The following DMAP1 variants were observed in gnomAD, a reference collection of about 807,000 sequenced individuals.
DMAP1 encodes DNA methyltransferase 1 associated protein 1, also known as DNA methyltransferase 1-associated protein 1.
In DMAP1, 26 loss-of-function variants were observed where a neutral mutation model predicts 52.7. That is an observed-to-expected ratio of 0.49 (90% CI 0.36 to 0.68). The LOEUF (loss-of-function observed/expected upper bound fraction) is 0.68, where lower values mean the gene tolerates loss of function less well. Among genes scored for constraint, DMAP1 ranks in the 30% least tolerant of loss-of-function variants. The pLI is 0.00. For missense variants in DMAP1, 439 were observed against 625.2 expected (o/e 0.70, Z 3.18); for synonymous variants, 231 against 246.0 (o/e 0.94, Z 0.57).
chr1:44,214,345 C>T lies in DMAP1; in HGVS notation c.106-5C>T. The T allele has an allele frequency of 6.2e-7, 1 of 1,613,686 alleles. No individual in the cohort carries two copies. Among genetic ancestry groups the T allele is most frequent in the South Asian group, 1.1e-5 (1 of 91,042 alleles). On this transcript the variant is annotated splice_polypyrimidine_tract_variant and splice_region_variant and intron_variant, in intron 1 of 9. Coordinates refer to ENST00000372289, the MANE Select transcript of DMAP1 (RefSeq NM_019100.5). ...GTGGTTCCTTTCTGTGGTTTCCTTCCTCAGAAAAAATCCAAGAAGTCCTCT... is the reference window on the plus strand; with the variant it reads ...GTGGTTCCTTTCTGTGGTTTCCTTCTTCAGAAAAAATCCAAGAAGTCCTCT...
In DMAP1 at chr1:44,220,564, G is replaced by A; in HGVS notation, c.1350G>A (p.Lys450=). 6.2e-7 allele frequency: 1 copy of A among 1,614,242 alleles called. No individual in the cohort carries two copies. Among genetic ancestry groups the A allele is most frequent in the Non-Finnish European group, 8.5e-7 (1 of 1,180,036 alleles). Reference sequence around the variant, plus strand: ...TGCCTTCTGTGTATCCTCAGAGAAAGCGACGGGAGTCGGCCTCCAGCTCAT... The same window carrying A: ...TGCCTTCTGTGTATCCTCAGAGAAAACGACGGGAGTCGGCCTCCAGCTCAT... ...VGAPLTPNSR[K]RRESASSSSS... The change falls in exon 10 of 10, where the codon AAG becomes AAA. Residue 450 remains lysine (K), a synonymous_variant. Coordinates refer to ENST00000372289, the MANE Select transcript of DMAP1 (RefSeq NM_019100.5).
intron 3 of DMAP1, chr1:44,217,375 T>C (rs1643815791): frequency 1.3e-5 from 2 of 152,290 alleles, no homozygotes. Context: ...GATCCAGGCA[T>C]GTGACAGTGG....
rs545975883 is a variant in DMAP1 at position 44,215,280 on chromosome 1, A to AAT, written c.393+385_393+386dup. The AAT allele has an allele frequency of 2.5e-3, 1,139 of 462,376 alleles. 34 individuals are homozygous for AAT. In the Admixed American group the frequency reaches 0.026, roughly 10 times the overall value. The allele number at this position is 462,376 out of a possible 1,614,324, so 28.6% of individuals were successfully genotyped here. A position where few individuals can be genotyped will look rare whatever the true frequency, so the allele number is the denominator to read the frequency against. On this transcript the variant is annotated intron_variant, in intron 3 of 9. Coordinates refer to ENST00000372289, the MANE Select transcript of DMAP1 (RefSeq NM_019100.5). Reference sequence around the variant, plus strand: ...CTTCCTTCGCATCCAGTCATTTACTAATATCTCTTTCTCAATGCCCCACAG... The same window carrying AAT: ...CTTCCTTCGCATCCAGTCATTTACTAATATATCTCTTTCTCAATGCCCCACAG...
intron 1 of DMAP1, among the ~76,000 whole-genome samples, 186 bp from the exon 2 acceptor site, chr1:44,214,164 G>C (rs1209629639): frequency 6.6e-6 from 1 of 152,170 alleles, no homozygotes; most frequent in African/African-American, 2.4e-5. Context: ...GGTGGGATGG[G>C]GAGGGGACTG....
Position 44,218,178 on chromosome 1 carries a change from C to G in DMAP1, c.394-133C>G, listed in dbSNP as rs750430826. 7.4e-6 allele frequency: 9 copies of G among 1,219,260 alleles called. 1 individual carries two copies. The East Asian group carries it at 1.9e-4, about 25-fold the overall frequency. The allele number at this position is 1,219,260 out of a possible 1,614,324, so 75.5% of individuals were successfully genotyped here. On this transcript the variant is annotated intron_variant, in intron 3 of 9. Transcript: ENST00000372289. The surrounding 1 kb of genome is among the most constrained non-coding windows in gnomAD (Gnocchi z 5.6). The stretch of plus-strand genomic sequence containing the variant: ...TCTAGTCAAGCAGACAAGTTCTTTC[C>G]TCACTCCATGCTGCAGGGGCACAGG...
At position 44,213,550 on chromosome 1, in the gene DMAP1, G is replaced by C; in HGVS notation, c.-204G>C. 5.7e-6 allele frequency: 3 copies of C among 523,694 alleles called. No homozygotes were observed. Among genetic ancestry groups the C allele is most frequent in the Non-Finnish European group, 1.0e-5 (3 of 292,244 alleles). The allele number at this position is 523,694 out of a possible 1,614,324, so 32.4% of individuals were successfully genotyped here. On this transcript the variant is annotated 5_prime_UTR_variant, in exon 1 of 10. Coordinates refer to ENST00000372289, the MANE Select transcript of DMAP1 (RefSeq NM_019100.5). The surrounding 1 kb of genome is among the most constrained non-coding windows in gnomAD (Gnocchi z 4.5). ...CAGGTGCGGAAGTGCGAGGGCCCAG[G>C]TGGCTGAAGGGGCCGTTAGGAACAT...
Position 44,218,121 on chromosome 1 carries a change from G to A in DMAP1, c.394-190G>A. On this transcript the variant is annotated intron_variant, in intron 3 of 9. Transcript: ENST00000372289. The surrounding 1 kb of genome is among the most constrained non-coding windows in gnomAD (Gnocchi z 5.6). ...GAAGTTGATCCTGGAATAAATCAGA[G>A]GCAGGCTACAGTCCCAAACCCTGCT... 1.4e-6 allele frequency: 1 copy of A among 714,758 alleles called. No homozygotes were observed. The highest frequency in any genetic ancestry group is 2.5e-6 in the Non-Finnish European group (1 of 404,230). 44.3% of individuals were successfully genotyped at this position (714,758 alleles called of 1,614,324 possible). A position where few individuals can be genotyped will look rare whatever the true frequency, so the allele number is the denominator to read the frequency against.
At chr1:44,217,031 C>T (rs1209717891) in intron 3 of DMAP1, 1 of 152,146 alleles carries the variant, frequency 6.6e-6, no homozygotes, top group Admixed American at 6.5e-5. Flanking sequence ...CAGTGTGTCT[C>T]AAATCATCTG....
At chr1:44,216,919 G>C (rs1643805445) in intron 3 of DMAP1, 1 of 152,220 alleles carries the variant, frequency 6.6e-6, no homozygotes, top group Non-Finnish European at 1.5e-5. Context: ...AGGAGTTTGT[G>C]AATTATCTAG....
chr1:44,217,221 AC>A (rs1643812723), intron 3 of DMAP1: 3 of 152,254 alleles, frequency 2.0e-5, no homozygotes, highest in South Asian at 4.1e-4. Context: ...CTCATCATAG[AC>A]CAGGGGTAAG....
At chr1:44,219,693 T>C in intron 7 of DMAP1, 113 bp from the exon 8 acceptor site, 1 of 1,353,786 alleles carries the variant, frequency 7.4e-7, no homozygotes, top group Non-Finnish European at 1.0e-6. Flanking sequence ...GGCCCATAGT[T>C]AACCTCCATG....
chr1:44,219,317 T>C (rs1643860164), intron 6 of DMAP1, 76 bp downstream of exon 6: 1 of 1,568,136 alleles, frequency 6.4e-7, no homozygotes, highest in Non-Finnish European at 8.6e-7. Context: ...TGGAGGGTTC[T>C]GAGAGTACCC....
Position 44,215,144 on chromosome 1 carries a change from T to C in DMAP1, c.393+246T>C, listed in dbSNP as rs1283169812. 7 of 641,332 alleles carry C rather than the reference T, an allele frequency of 1.1e-5. No homozygotes were observed. In the East Asian group the frequency reaches 2.2e-4, roughly 20 times the overall value. 39.7% of individuals were successfully genotyped at this position (641,332 alleles called of 1,614,324 possible). On this transcript the variant is annotated intron_variant, in intron 3 of 9. Coordinates refer to ENST00000372289, the MANE Select transcript of DMAP1 (RefSeq NM_019100.5). ...CTTTTCTTGGTCTTTCAAATGTTGC[T>C]GTTCCTCAGAGCTGTATCCTAGGTG...
chr1:44,214,995 C>A, intron 3 of DMAP1, 97 bp downstream of exon 3: 2 of 1,377,834 alleles, frequency 1.5e-6, no homozygotes, highest in Non-Finnish European at 2.0e-6. Context: ...TCTGGGGGCA[C>A]GCTTATGCCC....
rs1643850651 is a variant in DMAP1 at position 44,218,999 on chromosome 1, TG to T, written c.721-56del. 10 of 1,596,344 alleles carry T rather than the reference TG, an allele frequency of 6.3e-6. No homozygotes were observed. The highest frequency in any genetic ancestry group is 8.6e-6 in the Non-Finnish European group (10 of 1,169,348). On this transcript the variant is annotated intron_variant, in intron 5 of 9. Coordinates refer to ENST00000372289, the MANE Select transcript of DMAP1 (RefSeq NM_019100.5). This position sits in a 1 kb window ranked among gnomAD's most constrained non-coding sequence, Gnocchi z 5.6. ...ACAGCCCAGCACCCTGTCACCTCCGTGTCTACCCTCACTCCTAGAAGTGCCC... is the reference window on the plus strand; with the variant it reads ...ACAGCCCAGCACCCTGTCACCTCCGTTCTACCCTCACTCCTAGAAGTGCCC...
chr1:44,218,667 C>G lies in DMAP1; in HGVS notation c.632C>G (p.Thr211Arg). ...KLANVRAVPG[T>R]DLKIPVFDAG... ...GCCAACGTGCGGGCTGTGCCAGGCA[C>G]AGACCTTAAGATACCAGTATTTGAT... The change falls in exon 5 of 10, where the codon ACA becomes AGA. Residue 211 changes from threonine (T) to arginine (R), a missense_variant. By Grantham distance (71) the Thr-to-Arg change is moderately conservative. Transcript: ENST00000372289. The surrounding 1 kb of genome is among the most constrained non-coding windows in gnomAD (Gnocchi z 5.6). The G allele has an allele frequency of 6.2e-7, 1 of 1,614,074 alleles. No homozygotes were observed. Among genetic ancestry groups the G allele is most frequent in the Non-Finnish European group, 8.5e-7 (1 of 1,179,934 alleles).
intron 1 of DMAP1, 39 bp from the exon 2 acceptor site, chr1:44,214,311 G>T: frequency 1.3e-6 from 2 of 1,586,354 alleles, no homozygotes; most frequent in South Asian, 1.1e-5. Flanking sequence ...TCAGGAAAGG[G>T]TCTAGGTTGT....
Position 44,220,453 on chromosome 1 carries a change from G to A in DMAP1, c.1345-106G>A, listed in dbSNP as rs548036922. On this transcript the variant is annotated intron_variant, in intron 9 of 9. Coordinates refer to ENST00000372289, the MANE Select transcript of DMAP1 (RefSeq NM_019100.5). ...GAGTCTGAGACTGAGGGTAGGAGTGGGTTGACCAGTGGGCGTCCTTGTCCC... is the reference window on the plus strand; with the variant it reads ...GAGTCTGAGACTGAGGGTAGGAGTGAGTTGACCAGTGGGCGTCCTTGTCCC... 1.9e-6 allele frequency: 3 copies of A among 1,598,798 alleles called. No individual in the cohort carries two copies. The East Asian group carries it at 6.8e-5, about 36-fold the overall frequency.
chr1:44,220,347 C>T (rs1643879020), intron 9 of DMAP1, 38 bp downstream of exon 9: 2 of 1,524,582 alleles, frequency 1.3e-6, no homozygotes. Context: ...CGCCTGGGCC[C>T]TGCGAGTGAG....
Sources: allele counts gnomAD v4.1 joint callset (sites outside exome capture counted in the v4.1 genomes callset), GRCh38; gene constraint gnomAD v4.1.1; non-coding constraint Gnocchi (gnomAD v3.1); transcripts MANE v1.5; gene names NCBI Gene and HGNC (gene_info 2026-07-23, HGNC 2026-07-21).